MAG: variants seen among roughly 807,000 people sequenced by gnomAD.
The protein encoded by MAG is myelin associated glycoprotein.
MAG carries 30 observed loss-of-function variants against 60.7 expected under a neutral mutation model. The observed-to-expected ratio is 0.49, with a 90% CI of 0.37 to 0.67. MAG has a LOEUF of 0.67. Among genes scored for constraint, MAG ranks in the 30% least tolerant of loss-of-function variants. MAG has a pLI of 0.00. For synonymous variants in MAG, 384 were observed against 376.8 expected, an observed-to-expected ratio of 1.02 and a Z score of -0.22; for missense variants, 795 against 851.7, an observed-to-expected ratio of 0.93 and a Z score of 0.83.
chr19:35,310,504 C>A (rs200469368), intron 8 of MAG, 43 bp from the exon 9 acceptor site: 16 of 1,541,436 alleles, frequency 1.0e-5, no homozygotes, highest in Non-Finnish European at 1.3e-5. Flanking sequence ...GTCGTCACCA[C>A]CACCCATAGC....
intron 6 of MAG, among the ~76,000 whole-genome samples, chr19:35,302,139 T>A (rs961241411): frequency 6.6e-6 from 1 of 152,226 alleles, no homozygotes; most frequent in Non-Finnish European, 1.5e-5. Flanking sequence ...GAATGTTGGA[T>A]GATCACCCCT....
At chr19:35,300,473 C>G in intron 6 of MAG, 69 bp downstream of exon 6, 5 of 1,492,740 alleles carry the variant, frequency 3.3e-6, no homozygotes, top group Non-Finnish European at 4.5e-6. Context: ...GGGGCCTCAT[C>G]CAGGGCGAGC....
chr19:35,293,056 C>T lies in MAG; in HGVS notation c.-80+852C>T, dbSNP rs2066368767. On this transcript the variant is annotated intron_variant, in intron 1 of 10. Transcript: ENST00000392213. This position sits in a 1 kb window ranked among gnomAD's most constrained non-coding sequence, Gnocchi z 4.0. The stretch of plus-strand genomic sequence containing the variant: ...GCCCCCATCCCGAGAACTTGTTTTC[C>T]CCGCTGTTAAGAGTGCATGGTCTAC... Among the ~76,000 whole-genome samples the T allele has an allele frequency of 6.6e-6, 1 of 152,114 alleles. No individual in the cohort carries two copies. Among genetic ancestry groups the T allele is most frequent in the Non-Finnish European group, 1.5e-5 (1 of 68,032 alleles).
At chr19:35,294,092 G>A (rs1331231991) in intron 1 of MAG, 143 bp from the exon 2 acceptor site, 1 of 262,590 alleles carries the variant, frequency 3.8e-6, no homozygotes, top group African/African-American at 3.1e-5. Flanking sequence ...TCGAGGCTGT[G>A]TGGGAGGGTC....
chr19:35,297,298 C>CCA (rs1452428470), intron 4 of MAG, among the ~76,000 whole-genome samples: 1 of 146,500 alleles, frequency 6.8e-6, no homozygotes, highest in African/African-American at 2.5e-5. Flanking sequence ...TACCCACACA[C>CCA]CACACACACA....
Position 35,300,170 on chromosome 19 carries a change from A to T in MAG, c.736A>T (p.Asn246Tyr). ...AGACCCCCCGGTGATTGTGGAGATGAACTCCTCGGTGGAGGCCATCGAGGG... is the reference window on the plus strand; with the variant it reads ...AGACCCCCCGGTGATTGTGGAGATGTACTCCTCGGTGGAGGCCATCGAGGG... ...VKYPPVIVEM[N>Y]SSVEAIEGSH... Residue 246 changes from asparagine to tyrosine, a missense_variant, in exon 6 of 11, where the codon AAC (asparagine) becomes TAC (tyrosine). Transcript: ENST00000392213. 6.5e-7 allele frequency: 1 copy of T among 1,546,564 alleles called. No homozygotes were observed. The highest frequency in any genetic ancestry group is 8.8e-7 in the Non-Finnish European group (1 of 1,142,318).
Position 35,295,528 on chromosome 19 carries a change from C to T in MAG, c.46+74C>T. 2.5e-6 allele frequency: 4 copies of T among 1,607,352 alleles called. No individual in the cohort carries two copies. Among genetic ancestry groups the T allele is most frequent in the South Asian group, 2.2e-5 (2 of 90,214 alleles). ...GGTTGGAGGTGGGTCCCCGCAGCCC[C>T]CCGGCATGTGGTTGGGGATGGGAGC... On this transcript the variant is annotated intron_variant, in intron 3 of 10. Transcript: ENST00000392213. This position sits in a 1 kb window ranked among gnomAD's most constrained non-coding sequence, Gnocchi z 5.8.
At chr19:35,300,432 C>G (rs764757299) in intron 6 of MAG, 28 bp downstream of exon 6, 2 of 1,529,206 alleles carry the variant, frequency 1.3e-6, no homozygotes, top group South Asian at 2.4e-5. Flanking sequence ...TGCGTCCACA[C>G]GCCCACCTGC....
chr19:35,294,313 TCTTCCCTTG>T (rs2066380502), intron 2 of MAG, 23 bp downstream of exon 2: 1 of 434,066 alleles, frequency 2.3e-6, no homozygotes, highest in Non-Finnish European at 4.6e-6. Context: ...GTACCAACTC[TCTTCCCTTG>T]CTTCAGCTTT....
In MAG at chr19:35,295,524, GC is replaced by G. The variant is rs1159675771; in HGVS notation, c.46+76del. 6.8e-6 allele frequency: 11 copies of G among 1,608,186 alleles called. No homozygotes were observed. Among genetic ancestry groups the G allele is most frequent in the Middle Eastern group, 1.8e-4 (1 of 5,520 alleles). ...AGCAGGTTGGAGGTGGGTCCCCGCA[GC>G]CCCCCGGCATGTGGTTGGGGATGGG... On this transcript the variant is annotated intron_variant, in intron 3 of 10. Transcript: ENST00000392213. The surrounding 1 kb of genome is among the most constrained non-coding windows in gnomAD (Gnocchi z 5.8).
rs1286123283 is a variant in MAG at position 35,313,153 on chromosome 19, G to A, written c.1717-137G>A. ...TGACCGCAGGGCTCGCTGGGCCTGCGGTCCTTGAGAAAGGAGGTTCTCGCA... is the reference window on the plus strand; with the variant it reads ...TGACCGCAGGGCTCGCTGGGCCTGCAGTCCTTGAGAAAGGAGGTTCTCGCA... On this transcript the variant is annotated intron_variant, in intron 10 of 10. Transcript: ENST00000392213. 2.8e-5 allele frequency: 24 copies of A among 868,600 alleles called. No homozygotes were observed. The Admixed American group carries it at 5.5e-4, about 20-fold the overall frequency. 53.8% of individuals were successfully genotyped at this position (868,600 alleles called of 1,614,324 possible).
chr19:35,298,545 C>G (rs1465906805), intron 4 of MAG, among the ~76,000 whole-genome samples: 1 of 150,746 alleles, frequency 6.6e-6, no homozygotes, highest in Non-Finnish European at 1.5e-5. Flanking sequence ...GCGCTACACA[C>G]AAATTACATG....
At chr19:35,294,896 A>T (rs557891751) in intron 2 of MAG, among the ~76,000 whole-genome samples, 185 of 152,312 alleles carry the variant, frequency 1.2e-3, no homozygotes, top group Middle Eastern at 3.4e-3. Flanking sequence ...GTGAGCCACG[A>T]TTGCACCACT....
chr19:35,313,456 G>A lies in MAG; in HGVS notation c.*2G>A. On this transcript the variant is annotated 3_prime_UTR_variant, in exon 11 of 11. Coordinates refer to ENST00000392213, the MANE Select transcript of MAG (RefSeq NM_002361.4). ...TATGCTGAAATCCGGGTCAAGTGAAGGAGCTGGGGGCAGCCTGCGTGGCTG... is the reference window on the plus strand; with the variant it reads ...TATGCTGAAATCCGGGTCAAGTGAAAGAGCTGGGGGCAGCCTGCGTGGCTG... 6.2e-7 allele frequency: 1 copy of A among 1,610,280 alleles called. No individual in the cohort carries two copies.
intron 9 of MAG, among the ~76,000 whole-genome samples, chr19:35,311,088 T>C (rs1421133058): frequency 6.6e-6 from 1 of 152,120 alleles, no homozygotes; most frequent in Non-Finnish European, 1.5e-5. Flanking sequence ...ATCCCGCACT[T>C]TAGGAGGCCA....
At chr19:35,311,808 A>G (rs2066529136) in intron 9 of MAG, 110 bp from the exon 10 acceptor site, 5 of 702,286 alleles carry the variant, frequency 7.1e-6, no homozygotes, top group African/African-American at 5.3e-5. Context: ...TGCTTGCCAC[A>G]TCTTAGAGAT....
intron 7 of MAG, among the ~76,000 whole-genome samples, chr19:35,305,820 T>C (rs1355393618): frequency 6.6e-6 from 1 of 152,178 alleles, no homozygotes; most frequent in East Asian, 1.9e-4. Context: ...CCAGGCGTGA[T>C]GGCGCACACC....
At position 35,309,870 on chromosome 19, in the gene MAG, G is replaced by C; in HGVS notation, c.1232-4G>C. On this transcript the variant is annotated splice_polypyrimidine_tract_variant and splice_region_variant and intron_variant, in intron 7 of 10. Coordinates refer to ENST00000392213, the MANE Select transcript of MAG (RefSeq NM_002361.4). ...CACCCTCAGACCTGATTTTGCCCCT[G>C]CAGTCGCCCCTGTGCTCCTCCTGGA... 1 of 1,604,448 alleles carries C rather than the reference G, an allele frequency of 6.2e-7. No homozygotes were observed. The highest frequency in any genetic ancestry group is 1.1e-5 in the South Asian group (1 of 90,986).
intron 4 of MAG, among the ~76,000 whole-genome samples, chr19:35,299,077 A>T (rs909109555): frequency 5.9e-5 from 9 of 152,032 alleles, no homozygotes; most frequent in African/African-American, 2.2e-4. Context: ...CTACACACAC[A>T]CACACTCACA....
Sources: gnomAD v4.1 joint callset for allele counts (sites outside exome capture counted in the v4.1 genomes callset) on GRCh38, gnomAD v4.1.1 for gene constraint, Gnocchi (gnomAD v3.1) non-coding constraint, MANE v1.5 for transcripts, NCBI Gene and HGNC (gene_info 2026-07-23, HGNC 2026-07-21) for gene names.